The following RBFOX1 variants were observed in gnomAD, a reference collection of about 807,000 sequenced individuals.
RBFOX1 encodes the protein RNA binding protein fox-1 homolog 1.
A neutral mutation model predicts 57.7 loss-of-function variants in RBFOX1; 8 were observed. That is an observed-to-expected ratio of 0.14 (90% CI 0.08 to 0.25). The LOEUF is 0.25. Ranked by LOEUF, RBFOX1 falls within the 10% of genes least tolerant of loss-of-function variation. RBFOX1 has a pLI of 1.00. For synonymous variants in RBFOX1, 326 were observed against 222.4 expected, an observed-to-expected ratio of 1.47 and a Z score of -4.15; for missense variants, 611 against 548.5, an observed-to-expected ratio of 1.11 and a Z score of -1.14.
At chr16:6,249,179 A>G (rs2097586958) in intron 1 of RBFOX1, among the ~76,000 whole-genome samples, 1 of 152,190 alleles carries the variant, frequency 6.6e-6, no homozygotes, top group African/African-American at 2.4e-5. Context: ...CAAAGATCAA[A>G]TGCATGACCA....
chr16:7,557,087 G>C (rs1187775476), intron 5 of RBFOX1, among the ~76,000 whole-genome samples: 1 of 152,052 alleles, frequency 6.6e-6, no homozygotes, highest in Non-Finnish European at 1.5e-5. Flanking sequence ...ATTTTTTGCT[G>C]TGAGTCCACA....
intron 1 of RBFOX1, among the ~76,000 whole-genome samples, chr16:5,406,753 G>A (rs2066879016): frequency 1.3e-5 from 2 of 152,116 alleles, no homozygotes; most frequent in Non-Finnish European, 2.9e-5. Context: ...TACACAATGG[G>A]TCCTGCAGGA....
rs189062676 is a variant in RBFOX1, at chr16:6,650,988, C to T, written c.-63-3615C>T. Among the ~76,000 whole-genome samples the T allele has an allele frequency of 6.9e-3, 1,053 of 152,274 alleles. 6 individuals are homozygous for T. The highest frequency in any genetic ancestry group is 0.025 in the South Asian group (120 of 4,820). Reference sequence around the variant, plus strand: ...CATGATCCCGGCTTACTGCATCCTCCGCCTTCCCGGTTCAAGTGATTCTCT... The same window carrying T: ...CATGATCCCGGCTTACTGCATCCTCTGCCTTCCCGGTTCAAGTGATTCTCT... On this transcript the variant is annotated intron_variant, in intron 2 of 15. Transcript: ENST00000550418.
chr16:7,631,212 C>T (rs571578892), intron 11 of RBFOX1, among the ~76,000 whole-genome samples: 16 of 152,202 alleles, frequency 1.1e-4, no homozygotes, highest in Non-Finnish European at 1.2e-4. Flanking sequence ...TGTGGTTCCC[C>T]CCTCATTTAA....
intron 14 of RBFOX1, among the ~76,000 whole-genome samples, chr16:7,695,698 C>G (rs1366902162): frequency 1.3e-5 from 2 of 148,874 alleles, no homozygotes; most frequent in Non-Finnish European, 3.0e-5. Flanking sequence ...TACCCACATT[C>G]TAAACAGCAC....
At chr16:6,958,150 G>T (rs528874164) in intron 3 of RBFOX1, among the ~76,000 whole-genome samples, 131 of 152,276 alleles carry the variant, frequency 8.6e-4, no homozygotes, top group African/African-American at 2.9e-3. Context: ...GAAGCAAGGG[G>T]AGGGGAAAGT....
chr16:5,781,816 G>A (rs746728849), intron 3 of RBFOX1, among the ~76,000 whole-genome samples: 1 of 152,180 alleles, frequency 6.6e-6, no homozygotes, highest in Admixed American at 6.5e-5. Context: ...TATCCTCTAT[G>A]GCACTGATAT....
At position 7,685,728 on chromosome 16, in the gene RBFOX1, T is replaced by C. The variant is rs193129640; in HGVS notation, c.995+8890T>C. ...ATGCATTTAAAAATGTAAGGTTATT[T>C]TTAGTCTAGGCAATCTCTAAGACAC... On this transcript the variant is annotated intron_variant, in intron 14 of 15. Transcript: ENST00000550418. Among the ~76,000 whole-genome samples the C allele has an allele frequency of 4.6e-5, 7 of 152,192 alleles. No homozygotes were observed. The East Asian group carries it at 1.2e-3, about 25-fold the overall frequency.
At chr16:7,419,688 G>C (rs1031883282) in intron 4 of RBFOX1, among the ~76,000 whole-genome samples, 1 of 152,060 alleles carries the variant, frequency 6.6e-6, no homozygotes, top group Non-Finnish European at 1.5e-5. Flanking sequence ...TTGCTCTCCC[G>C]ACCCTCCAGT....
At chr16:7,547,897 C>T (rs1327517692) in intron 5 of RBFOX1, among the ~76,000 whole-genome samples, 1 of 152,144 alleles carries the variant, frequency 6.6e-6, no homozygotes, top group Non-Finnish European at 1.5e-5. Flanking sequence ...AGAATGGATA[C>T]CACCAGCCGT....
At chr16:6,483,808 C>T (rs754512489) in intron 2 of RBFOX1, 16 of 1,363,892 alleles carry the variant, frequency 1.2e-5, no homozygotes, top group East Asian at 1.1e-4. Flanking sequence ...GTGTGCGCCT[C>T]CGGGGCTGCT....
intron 2 of RBFOX1, among the ~76,000 whole-genome samples, chr16:6,375,110 T>C (rs185827523): frequency 1.3e-5 from 2 of 152,160 alleles, no homozygotes; most frequent in East Asian, 3.9e-4. Context: ...GCACAGGGAG[T>C]ATCAGAAATC....
At chr16:6,215,129 A>G in intron 1 of RBFOX1, among the ~76,000 whole-genome samples, 2 of 110,982 alleles carry the variant, frequency 1.8e-5, no homozygotes, top group Non-Finnish European at 3.6e-5. Flanking sequence ...GGGAAGAGAG[A>G]AGGAGAAGAG....
intron 2 of RBFOX1, among the ~76,000 whole-genome samples, chr16:6,371,339 G>C (rs1213383423): frequency 6.6e-6 from 1 of 151,970 alleles, no homozygotes; most frequent in Non-Finnish European, 1.5e-5. Flanking sequence ...TATATGTGTG[G>C]GTTGGCATTC....
intron 1 of RBFOX1, among the ~76,000 whole-genome samples, chr16:5,383,072 T>A (rs1380599109): frequency 1.3e-5 from 2 of 152,196 alleles, no homozygotes; most frequent in African/African-American, 4.8e-5. Context: ...GATGCCACAG[T>A]TTCCAGATGC....
At chr16:5,259,980 C>T (rs567319568) in intron 1 of RBFOX1, among the ~76,000 whole-genome samples, 21 of 152,270 alleles carry the variant, frequency 1.4e-4, no homozygotes, top group African/African-American at 5.1e-4. Flanking sequence ...GTGGTCAGAT[C>T]ACTTGAGGCC....
chr16:6,819,436 G>T (rs916552755), intron 3 of RBFOX1, among the ~76,000 whole-genome samples: 2 of 152,100 alleles, frequency 1.3e-5, no homozygotes, highest in African/African-American at 4.8e-5. Flanking sequence ...AGGTAGGCCG[G>T]GCATGGTGGC....
At chr16:6,959,576 C>T (rs572472810) in intron 3 of RBFOX1, among the ~76,000 whole-genome samples, 1 of 152,166 alleles carries the variant, frequency 6.6e-6, no homozygotes, top group South Asian at 2.1e-4. Context: ...AGCAGGTCTC[C>T]CTCAAGGCTG....
At chr16:5,391,390 C>T (rs2066403010) in intron 1 of RBFOX1, among the ~76,000 whole-genome samples, 1 of 152,124 alleles carries the variant, frequency 6.6e-6, no homozygotes, top group Non-Finnish European at 1.5e-5. Flanking sequence ...TGCATTCCTT[C>T]ACTAGTGGCT....
Sources: gnomAD v4.1 joint callset for allele counts (sites outside exome capture counted in the v4.1 genomes callset) on GRCh38, gnomAD v4.1.1 for gene constraint, MANE v1.5 for transcripts, NCBI Gene and HGNC (gene_info 2026-07-23, HGNC 2026-07-21) for gene names.